The following TSPAN9 variants were observed in gnomAD, a reference collection of about 807,000 sequenced individuals.
TSPAN9 encodes the protein tetraspanin-9.
A neutral mutation model predicts 31.0 loss-of-function variants in TSPAN9; 16 were observed. That is an observed-to-expected ratio of 0.52 (90% CI 0.35 to 0.78). The LOEUF (loss-of-function observed/expected upper bound fraction) is 0.78. TSPAN9 is among the 30% of genes least tolerant of loss of function. The pLI is 0.01. For missense variants in TSPAN9, 272 were observed against 312.5 expected, an observed-to-expected ratio of 0.87 and a Z score of 0.98; for synonymous variants, 145 against 121.6, an observed-to-expected ratio of 1.19 and a Z score of -1.27.
intron 3 of TSPAN9, among the ~76,000 whole-genome samples, chr12:3,230,949 G>A (rs1022155670): frequency 3.3e-5 from 5 of 152,138 alleles, no homozygotes; most frequent in African/African-American, 9.7e-5. Context: ...CTGGAGGTGC[G>A]GAGATAGGGT....
intron 2 of TSPAN9, chr12:3,149,758 A>G (rs536798427): frequency 6.6e-6 from 1 of 152,350 alleles, no homozygotes; most frequent in African/African-American, 2.4e-5. Context: ...GAGCTTTTCA[A>G]TAATTCAGGC....
intron 2 of TSPAN9, among the ~76,000 whole-genome samples, chr12:3,145,791 T>C (rs7957389): frequency 6.6e-6 from 1 of 152,146 alleles, no homozygotes; most frequent in Admixed American, 6.5e-5. Context: ...TCAGACCATT[T>C]GGGGTGTCAG....
intron 2 of TSPAN9, among the ~76,000 whole-genome samples, chr12:3,197,559 C>G (rs1036633178): frequency 6.6e-6 from 1 of 152,196 alleles, no homozygotes; most frequent in African/African-American, 2.4e-5. Context: ...AGTAGGGGAG[C>G]TGCACTCAGA....
At chr12:3,259,745 CG>C (rs1242340551) in intron 3 of TSPAN9, among the ~76,000 whole-genome samples, 2 of 152,164 alleles carry the variant, frequency 1.3e-5, no homozygotes, top group Non-Finnish European at 2.9e-5. Context: ...GAACCCAGCA[CG>C]GGGGTGGCGA....
intron 2 of TSPAN9, among the ~76,000 whole-genome samples, chr12:3,141,759 T>C (rs558849224): frequency 1.3e-5 from 2 of 152,274 alleles, no homozygotes; most frequent in South Asian, 2.1e-4. Flanking sequence ...TTTCTCTGAG[T>C]TGGGGCCACC....
chr12:3,084,562 C>T (rs1289194982), intron 2 of TSPAN9, among the ~76,000 whole-genome samples: 1 of 152,108 alleles, frequency 6.6e-6, no homozygotes, highest in East Asian at 1.9e-4. Flanking sequence ...TGGCCAGGAA[C>T]CTCTTATTGT....
chr12:3,129,625 T>C (rs1591640072), intron 2 of TSPAN9, among the ~76,000 whole-genome samples: 1 of 152,232 alleles, frequency 6.6e-6, no homozygotes, highest in Admixed American at 6.5e-5. Context: ...TGGTGGTAAC[T>C]ACCTTGTAGG....
intron 2 of TSPAN9, among the ~76,000 whole-genome samples, chr12:3,111,197 C>T (rs1421522566): frequency 6.6e-6 from 1 of 152,190 alleles, no homozygotes; most frequent in Non-Finnish European, 1.5e-5. Context: ...TTCTTCTGCT[C>T]CTCCTCTGAA....
rs1006125405 is a variant in TSPAN9 at position 3,143,263 on chromosome 12, T to G, written c.-17-57914T>G. On this transcript the variant is annotated intron_variant, in intron 2 of 8. Transcript: ENST00000011898. This position sits in a 1 kb window ranked among gnomAD's most constrained non-coding sequence, Gnocchi z 4.2. ...ATAATTAATAATATTTATAGTTATA[T>G]TAATCATAATTAATAATATTTATAA... 8.1e-5 allele frequency among the ~76,000 whole-genome samples: 12 copies of G among 148,334 alleles called. 1 individual carries two copies. The highest frequency in any genetic ancestry group is 1.8e-4 in the Non-Finnish European group (12 of 67,260).
chr12:3,203,821 G>A (rs930269341), intron 3 of TSPAN9, among the ~76,000 whole-genome samples: 5 of 152,218 alleles, frequency 3.3e-5, no homozygotes, highest in Non-Finnish European at 5.9e-5. Flanking sequence ...TTATCGGGAG[G>A]TGGAGGAGCA....
chr12:3,081,914 T>C (rs576023933), intron 1 of TSPAN9, among the ~76,000 whole-genome samples: 38 of 150,484 alleles, frequency 2.5e-4, no homozygotes, highest in African/African-American at 9.1e-4. Context: ...GAAGGATCGC[T>C]TGAGTTCAGG....
chr12:3,278,375 G>T (rs1323655092), intron 3 of TSPAN9, 46 bp from the exon 4 acceptor site: 5 of 1,604,670 alleles, frequency 3.1e-6, no homozygotes, highest in Non-Finnish European at 2.6e-6. Flanking sequence ...GTCCATGGAC[G>T]AATGTGAGAG....
At position 3,283,378 on chromosome 12, in the gene TSPAN9, G is replaced by A. The variant is rs1862939387; in HGVS notation, c.*262G>A. 2.3e-6 allele frequency: 1 copy of A among 434,294 alleles called. No homozygotes were observed. Among genetic ancestry groups the A allele is most frequent in the Non-Finnish European group, 4.1e-6 (1 of 243,862 alleles). 26.9% of individuals were successfully genotyped at this position (434,294 alleles called of 1,614,324 possible). A position where few individuals can be genotyped will look rare whatever the true frequency, so the allele number is the denominator to read the frequency against. Reference sequence around the variant, plus strand: ...GTATTTGCCAAAGACGACAGGGTGGGCTGGGGTGCGCTCCGGAGGAACCCC... The same window carrying A: ...GTATTTGCCAAAGACGACAGGGTGGACTGGGGTGCGCTCCGGAGGAACCCC... On this transcript the variant is annotated 3_prime_UTR_variant, in exon 9 of 9. Transcript: ENST00000011898.
chr12:3,109,297 TGTGA>T (rs1204639503), intron 2 of TSPAN9, among the ~76,000 whole-genome samples: 24 of 112,326 alleles, frequency 2.1e-4, no homozygotes, highest in Middle Eastern at 8.7e-3. Flanking sequence ...TGTGTGTGTG[TGTGA>T]GAGAGAGTGT....
At chr12:3,132,800 C>T (rs11829766) in intron 2 of TSPAN9, among the ~76,000 whole-genome samples, 66,322 of 151,988 alleles carry the variant, frequency 0.44, 14,596 homozygotes, top group Admixed American at 0.53. Flanking sequence ...CTCAGGTTCT[C>T]CCATCCCTAG....
intron 3 of TSPAN9, among the ~76,000 whole-genome samples, chr12:3,252,875 A>AG: frequency 6.6e-6 from 1 of 151,730 alleles, no homozygotes; most frequent in Admixed American, 6.6e-5. Context: ...TGTTAGGGGG[A>AG]GGGGGTGCAG....
chr12:3,183,880 T>C (rs1409689379), intron 2 of TSPAN9, among the ~76,000 whole-genome samples: 1 of 152,264 alleles, frequency 6.6e-6, no homozygotes, highest in Non-Finnish European at 1.5e-5. Context: ...CAATGATGTC[T>C]GCTGCAGTGA....
chr12:3,166,081 A>G (rs2098348284), intron 2 of TSPAN9, among the ~76,000 whole-genome samples: 1 of 152,212 alleles, frequency 6.6e-6, no homozygotes, highest in Non-Finnish European at 1.5e-5. Flanking sequence ...CACTAATGAT[A>G]CAGCAGATGT....
At chr12:3,079,250 A>G (rs11611380) in intron 1 of TSPAN9, among the ~76,000 whole-genome samples, 37,575 of 152,096 alleles carry the variant, frequency 0.25, 5,282 homozygotes, top group South Asian at 0.38. Context: ...CAGTGCTGGG[A>G]TTATAGGCGT....
Sources: gnomAD v4.1 joint callset for allele counts (sites outside exome capture counted in the v4.1 genomes callset) on GRCh38, gnomAD v4.1.1 for gene constraint, Gnocchi (gnomAD v3.1) non-coding constraint, MANE v1.5 for transcripts, NCBI Gene and HGNC (gene_info 2026-07-23, HGNC 2026-07-21) for gene names.